Variants in PLCXD3 observed in about 807,000 individuals in gnomAD.
PLCXD3 encodes the protein phosphatidylinositol specific phospholipase C X domain containing 3.
In PLCXD3, 19 loss-of-function variants were observed where a neutral mutation model predicts 25.5. That is an observed-to-expected ratio of 0.75 (90% CI 0.52 to 1.09). The LOEUF is 1.09. Ranked by LOEUF, PLCXD3 falls within the 50% of genes least tolerant of loss-of-function variation. The pLI, the probability that PLCXD3 is intolerant of heterozygous loss-of-function variation, is 0.00. For missense variants in PLCXD3, 411 were observed against 388.1 expected (o/e 1.06, Z -0.50); for synonymous variants, 174 against 137.6 (o/e 1.26, Z -1.85).
At chr5:41,448,312 A>G (rs1285785047) in intron 1 of PLCXD3, among the ~76,000 whole-genome samples, 1 of 152,176 alleles carries the variant, frequency 6.6e-6, no homozygotes, top group Non-Finnish European at 1.5e-5. Context: ...TGAATAGGAG[A>G]TGTCTGAGGC....
chr5:41,409,083 C>T (rs1478723142), intron 1 of PLCXD3, among the ~76,000 whole-genome samples: 1 of 152,158 alleles, frequency 6.6e-6, no homozygotes, highest in African/African-American at 2.4e-5. Flanking sequence ...GCCTTAGCCT[C>T]CAAGAGCCTG....
chr5:41,467,356 G>A (rs1748042122), intron 1 of PLCXD3, among the ~76,000 whole-genome samples: 1 of 152,118 alleles, frequency 6.6e-6, no homozygotes, highest in Non-Finnish European at 1.5e-5. Context: ...GATTTCTTTT[G>A]AGAAATGTGT....
chr5:41,468,009 CTTTTTTTTTTT>C lies in PLCXD3; in HGVS notation c.103+42404_103+42414del, dbSNP rs145732089. On this transcript the variant is annotated intron_variant, in intron 1 of 2. Coordinates refer to ENST00000377801, the MANE Select transcript of PLCXD3 (RefSeq NM_001005473.3). ...GGAGTGTGATACTACCAGCTTTATTCTTTTTTTTTTTTTTTTTTTTTTTTTTTTTGACAGAG... is the reference window on the plus strand; with the variant it reads ...GGAGTGTGATACTACCAGCTTTATTCTTTTTTTTTTTTTTTTTTGACAGAG... Among the ~76,000 whole-genome samples, 66 of 52,434 alleles carry C rather than the reference CTTTTTTTTTTT, an allele frequency of 1.3e-3. 1 individual carries two copies. Among genetic ancestry groups the C allele is most frequent in the African/African-American group, 2.4e-3 (30 of 12,554 alleles). The allele number at this position is 52,434 out of a possible 152,430, so 34.4% of individuals were successfully genotyped here. A position where few individuals can be genotyped will look rare whatever the true frequency, so the allele number is the denominator to read the frequency against.
chr5:41,317,581 AG>A (rs113080309), intron 2 of PLCXD3, among the ~76,000 whole-genome samples: 2 of 152,304 alleles, frequency 1.3e-5, no homozygotes, highest in African/African-American at 4.8e-5. Flanking sequence ...AAGAACTCAA[AG>A]TAGCTGTGTT....
At chr5:41,481,993 C>T (rs755490384) in intron 1 of PLCXD3, among the ~76,000 whole-genome samples, 37 of 152,064 alleles carry the variant, frequency 2.4e-4, no homozygotes, top group Non-Finnish European at 4.3e-4. Flanking sequence ...AGTGTAAGGA[C>T]GTATGATGGG....
chr5:41,457,419 T>C (rs537229099), intron 1 of PLCXD3, among the ~76,000 whole-genome samples: 1 of 152,038 alleles, frequency 6.6e-6, no homozygotes, highest in South Asian at 2.1e-4. Flanking sequence ...AGATGGCATG[T>C]CACTGAAAGA....
intron 2 of PLCXD3, among the ~76,000 whole-genome samples, chr5:41,336,984 T>C (rs934192711): frequency 8.5e-5 from 13 of 152,178 alleles, no homozygotes; most frequent in African/African-American, 3.1e-4. Context: ...AATTCTGCGA[T>C]CATAAAATTT....
At chr5:41,429,984 G>A (rs1375916702) in intron 1 of PLCXD3, among the ~76,000 whole-genome samples, 1 of 152,106 alleles carries the variant, frequency 6.6e-6, no homozygotes, top group Admixed American at 6.5e-5. Flanking sequence ...CAAAGCAAAT[G>A]CCAAAGATGA....
intron 1 of PLCXD3, among the ~76,000 whole-genome samples, chr5:41,414,107 ACTATAG>A (rs1261526637): frequency 6.6e-6 from 1 of 152,216 alleles, no homozygotes; most frequent in African/African-American, 2.4e-5. Flanking sequence ...GCTGTACTAT[ACTATAG>A]CCCAGTGAAA....
At chr5:41,362,149 T>A (rs1744801773) in intron 2 of PLCXD3, among the ~76,000 whole-genome samples, 1 of 152,234 alleles carries the variant, frequency 6.6e-6, no homozygotes, top group South Asian at 2.1e-4. Flanking sequence ...AGGACTTTTG[T>A]TTGTCCCTGA....
chr5:41,359,540 T>C (rs896084228), intron 2 of PLCXD3, among the ~76,000 whole-genome samples: 5 of 152,172 alleles, frequency 3.3e-5, no homozygotes, highest in African/African-American at 1.2e-4. Flanking sequence ...TTAAATAATC[T>C]TTTGTATTTC....
chr5:41,385,942 C>T (rs1253815274), intron 1 of PLCXD3, among the ~76,000 whole-genome samples: 1 of 152,050 alleles, frequency 6.6e-6, no homozygotes, highest in Non-Finnish European at 1.5e-5. Flanking sequence ...TTGATTGCAG[C>T]CCTGTGAGAG....
At chr5:41,340,617 A>T (rs2150477577) in intron 2 of PLCXD3, among the ~76,000 whole-genome samples, 1 of 152,252 alleles carries the variant, frequency 6.6e-6, no homozygotes, top group South Asian at 2.1e-4. Context: ...CATCACCTTT[A>T]CCAACACTGA....
intron 2 of PLCXD3, among the ~76,000 whole-genome samples, chr5:41,316,033 A>G (rs2150467846): frequency 6.6e-6 from 1 of 152,336 alleles, no homozygotes; most frequent in Middle Eastern, 3.4e-3. Context: ...TTAGGTAACC[A>G]AGGGAGTGCT....
intron 2 of PLCXD3, among the ~76,000 whole-genome samples, chr5:41,364,392 G>T (rs1221978079): frequency 2.0e-5 from 3 of 152,066 alleles, no homozygotes; most frequent in Admixed American, 6.6e-5. Context: ...TTTTTCTTTG[G>T]TAATCAAAGA....
Position 41,348,639 on chromosome 5 carries a change from TTTTGTTTGTTTG to T in PLCXD3, c.812+33175_812+33186del, listed in dbSNP as rs201779637. Among the ~76,000 whole-genome samples, 1,182 of 152,106 alleles carry T rather than the reference TTTTGTTTGTTTG, an allele frequency of 7.8e-3. 14 individuals carry two copies. Among genetic ancestry groups the T allele is most frequent in the African/African-American group, 0.026 (1,084 of 41,468 alleles). ...ACAAATACAGAAAATTACTGAGTTT[TTTTGTTTGTTTG>T]TTTGTTTGTTTGTTTGTTTTAGATT... On this transcript the variant is annotated intron_variant, in intron 2 of 2. Transcript: ENST00000377801.
chr5:41,439,652 C>T (rs318061), intron 1 of PLCXD3, among the ~76,000 whole-genome samples: 133,645 of 152,120 alleles, frequency 0.88, 59,075 homozygotes, highest in Middle Eastern at 0.94. Flanking sequence ...CTGGACTAAC[C>T]TCTTCCAAAT....
At chr5:41,471,603 G>T (rs1300714856) in intron 1 of PLCXD3, among the ~76,000 whole-genome samples, 1 of 152,106 alleles carries the variant, frequency 6.6e-6, no homozygotes, top group Non-Finnish European at 1.5e-5. Flanking sequence ...AGAAGGAAAG[G>T]ATGTTAATGA....
chr5:41,446,213 GAA>G (rs1303815498), intron 1 of PLCXD3, among the ~76,000 whole-genome samples: 2 of 105,198 alleles, frequency 1.9e-5, no homozygotes, highest in Non-Finnish European at 4.3e-5. Context: ...AACAACGAGA[GAA>G]TAGTGAGGGT....
Sources: allele counts gnomAD v4.1 joint callset (sites outside exome capture counted in the v4.1 genomes callset), GRCh38; gene constraint gnomAD v4.1.1; transcripts MANE v1.5; gene names NCBI Gene and HGNC (gene_info 2026-07-23, HGNC 2026-07-21).